Variants in POC5 observed in about 807,000 individuals in gnomAD.
The protein encoded by POC5 is POC5 centriolar protein, also known as centrosomal protein POC5.
Under a neutral mutation model 62.9 loss-of-function variants are expected in POC5, and 48 were observed. The observed-to-expected ratio is 0.76, with a 90% CI of 0.61 to 0.97. POC5 has a LOEUF of 0.97. Among genes scored for constraint, POC5 ranks in the 50% least tolerant of loss-of-function variants. POC5 has a pLI of 0.00. For missense variants in POC5, 696 were observed against 679.5 expected (o/e 1.02, Z -0.27); for synonymous variants, 236 against 228.2 (o/e 1.03, Z -0.31).
At chr5:75,716,200 T>C (rs916434460) in intron 1 of POC5, among the ~76,000 whole-genome samples, 4 of 152,140 alleles carry the variant, frequency 2.6e-5, no homozygotes, top group Non-Finnish European at 4.4e-5. Flanking sequence ...ACATGTTAAG[T>C]AAACTAAATC....
chr5:75,692,025 T>C (rs1238611718), intron 7 of POC5, among the ~76,000 whole-genome samples: 1 of 152,138 alleles, frequency 6.6e-6, no homozygotes, highest in African/African-American at 2.4e-5. Flanking sequence ...TATGAATAAG[T>C]TGTATTCAGG....
chr5:75,683,266 G>A (rs766702309), intron 10 of POC5, among the ~76,000 whole-genome samples: 1 of 150,296 alleles, frequency 6.7e-6, no homozygotes, highest in African/African-American at 2.5e-5. Flanking sequence ...AGACAGTCTC[G>A]CTGTGTCGCC....
At chr5:75,711,737 C>T (rs1777352561) in intron 2 of POC5, among the ~76,000 whole-genome samples, 1 of 152,174 alleles carries the variant, frequency 6.6e-6, no homozygotes, top group African/African-American at 2.4e-5. Flanking sequence ...GTTGAGCTTA[C>T]ATTATAGGTG....
chr5:75,695,271 A>C (rs1776514237), intron 5 of POC5, among the ~76,000 whole-genome samples: 1 of 152,230 alleles, frequency 6.6e-6, no homozygotes, highest in Non-Finnish European at 1.5e-5. Flanking sequence ...TTGTTTTCCC[A>C]AGCCATTTAT....
Position 75,685,361 on chromosome 5 carries a change from G to A in POC5, c.1253C>T (p.Pro418Leu), listed in dbSNP as rs1776060102. 6.2e-7 allele frequency: 1 copy of A among 1,613,938 alleles called. No homozygotes were observed. The highest frequency in any genetic ancestry group is 8.5e-7 in the Non-Finnish European group (1 of 1,179,914). The change falls in exon 10 of 12, where the codon CCA (proline) becomes CTA (leucine). Residue 418 changes from proline (P) to leucine (L), a missense_variant. By Grantham distance (98) the Pro-to-Leu change is moderately conservative. Coordinates refer to ENST00000428202, the MANE Select transcript of POC5 (RefSeq NM_001099271.2). The stretch of plus-strand genomic sequence containing the variant: ...TCCTCCGACGGCGGCTGGTGGGGAT[G>A]GCAGCAGTGGTGATGTAACTGGTAA... ...MPLPVTSPLLPSPPAAVGGAS... is the reference protein window; with the variant it reads ...MPLPVTSPLLLSPPAAVGGAS...
At chr5:75,686,814 C>T (rs1304311235) in intron 9 of POC5, among the ~76,000 whole-genome samples, 1 of 151,950 alleles carries the variant, frequency 6.6e-6, no homozygotes, top group East Asian at 1.9e-4. Flanking sequence ...CTAATTGGCA[C>T]AGTAAAATTG....
At chr5:75,689,236 T>C (rs549777622) in intron 8 of POC5, 71 bp from the exon 9 acceptor site, 10 of 1,428,596 alleles carry the variant, frequency 7.0e-6, no homozygotes, top group African/African-American at 4.3e-5. Context: ...AAAATAGATA[T>C]ATACTTTGAG....
chr5:75,702,997 T>C (rs1379508230), intron 4 of POC5, among the ~76,000 whole-genome samples, 187 bp from the exon 5 acceptor site: 2 of 152,204 alleles, frequency 1.3e-5, no homozygotes, highest in African/African-American at 4.8e-5. Context: ...TAGCACAGAC[T>C]GGCATGAGAT....
chr5:75,700,959 A>T (rs1490201409), intron 5 of POC5, among the ~76,000 whole-genome samples: 1 of 135,120 alleles, frequency 7.4e-6, no homozygotes, highest in Non-Finnish European at 1.7e-5. Flanking sequence ...GCCAAAAAAC[A>T]CATGAAAAAA....
Position 75,702,637 on chromosome 5 carries a change from T to A in POC5, c.481A>T (p.Asn161Tyr), listed in dbSNP as rs1341916500. The change falls in exon 5 of 12, where the codon AAT (asparagine) becomes TAT (tyrosine). Residue 161 changes from asparagine (N) to tyrosine (Y), a missense_variant. Asn to Tyr is a moderately radical substitution (Grantham distance 143). Coordinates refer to ENST00000428202, the MANE Select transcript of POC5 (RefSeq NM_001099271.2). The part of the protein sequence containing the change: ...VSDENLQKME[N>Y]VLDLWSSGLK... ...CCTGAACTCCAAAGATCAAGCACATTTTCCATCTTCTGAAGGTTTTCATCA... is the reference window on the plus strand; with the variant it reads ...CCTGAACTCCAAAGATCAAGCACATATTCCATCTTCTGAAGGTTTTCATCA... The A allele has an allele frequency of 1.2e-6, 2 of 1,613,406 alleles. No individual in the cohort carries two copies. Among genetic ancestry groups the A allele is most frequent in the South Asian group, 2.2e-5 (2 of 90,836 alleles).
intron 4 of POC5, 161 bp downstream of exon 4, chr5:75,705,543 T>C (rs1459223584): frequency 2.1e-5 from 11 of 524,416 alleles, no homozygotes; most frequent in Non-Finnish European, 3.6e-5. Flanking sequence ...TGGTATCTTA[T>C]CAAATTATTT....
intron 5 of POC5, 131 bp downstream of exon 5, chr5:75,702,474 A>G: frequency 1.2e-6 from 1 of 843,578 alleles, no homozygotes; most frequent in Non-Finnish European, 1.8e-6. Context: ...AAGACTTAAG[A>G]CACTAAACTG....
chr5:75,683,864 T>C (rs1775967805), intron 10 of POC5, among the ~76,000 whole-genome samples: 1 of 152,042 alleles, frequency 6.6e-6, no homozygotes, highest in Non-Finnish European at 1.5e-5. Context: ...GCACCATGCC[T>C]GACTAATTTT....
At chr5:75,709,077 G>A (rs1777236707) in intron 2 of POC5, among the ~76,000 whole-genome samples, 6 of 152,080 alleles carry the variant, frequency 3.9e-5, no homozygotes, top group Admixed American at 3.9e-4. Context: ...TTGATCCACA[G>A]CCCTGGACCC....
intron 11 of POC5, 27 bp downstream of exon 11, chr5:75,677,747 A>G (rs1775724081): frequency 2.6e-6 from 4 of 1,525,468 alleles, no homozygotes; most frequent in Non-Finnish European, 3.5e-6. Context: ...AGACTTTTTG[A>G]CAAAAGGTCA....
intron 1 of POC5, among the ~76,000 whole-genome samples, chr5:75,713,428 A>C (rs574514997): frequency 1.4e-4 from 22 of 152,382 alleles, no homozygotes; most frequent in Non-Finnish European, 2.8e-4. Context: ...AAAAATCATT[A>C]AAAGTACTTT....
intron 5 of POC5, among the ~76,000 whole-genome samples, chr5:75,698,926 A>G (rs373167598): frequency 0.24 from 37,094 of 151,938 alleles, 4,734 homozygotes; most frequent in South Asian, 0.33. Context: ...ACCATCAGAG[A>G]ATACTACAAA....
chr5:75,684,110 A>C (rs1775985024), intron 10 of POC5, among the ~76,000 whole-genome samples: 1 of 152,156 alleles, frequency 6.6e-6, no homozygotes, highest in South Asian at 2.1e-4. Context: ...ATAGCAGCTC[A>C]CTGATTCTAG....
At chr5:75,682,860 A>G (rs891142844) in intron 10 of POC5, among the ~76,000 whole-genome samples, 2 of 152,130 alleles carry the variant, frequency 1.3e-5, no homozygotes, top group Non-Finnish European at 2.9e-5. Context: ...AATTTCTCTT[A>G]GCCATGTGCT....
Sources: allele counts gnomAD v4.1 joint callset (sites outside exome capture counted in the v4.1 genomes callset), GRCh38; gene constraint gnomAD v4.1.1; transcripts MANE v1.5; gene names NCBI Gene and HGNC (gene_info 2026-07-23, HGNC 2026-07-21).